OR7C1: variants seen among roughly 807,000 people sequenced by gnomAD.
The protein encoded by OR7C1 is olfactory receptor 7C1.
For missense variants in OR7C1, 324 were observed against 383.3 expected (o/e 0.85, Z 1.29); for synonymous variants, 152 against 160.7 (o/e 0.95, Z 0.41).
Position 14,828,271 on chromosome 19 carries a change from G to A in OR7C1, c.-623+6803C>T, listed in dbSNP as rs115828008. 1,274 of 1,576,186 alleles carry A rather than the reference G, an allele frequency of 8.1e-4. 16 individuals carry two copies. In the African/African-American group the frequency reaches 0.016, roughly 20 times the overall value. ...TTGAAGTGACTATCAGAGAGAGAGAGAGAAAGAGGGAAACGAGACAGGCAT... is the reference window on the plus strand; with the variant it reads ...TTGAAGTGACTATCAGAGAGAGAGAAAGAAAGAGGGAAACGAGACAGGCAT... On this transcript the variant is annotated intron_variant, in intron 1 of 4. Coordinates refer to ENST00000641666, the Ensembl canonical transcript of OR7C1.
At chr19:14,812,431 C>T (rs2044695615) in intron 1 of OR7C1, among the ~76,000 whole-genome samples, 1 of 152,150 alleles carries the variant, frequency 6.6e-6, no homozygotes, top group Non-Finnish European at 1.5e-5. Flanking sequence ...TCCATAGATT[C>T]CAGACATTGT....
At chr19:14,831,130 C>T (rs2044827924) in intron 1 of OR7C1, among the ~76,000 whole-genome samples, 1 of 152,154 alleles carries the variant, frequency 6.6e-6, no homozygotes, top group Non-Finnish European at 1.5e-5. Context: ...TTCTTACTGC[C>T]TACATGATGC....
intron 1 of OR7C1, among the ~76,000 whole-genome samples, chr19:14,821,684 T>C (rs1190033095): frequency 6.6e-6 from 1 of 152,240 alleles, no homozygotes; most frequent in Non-Finnish European, 1.5e-5. Flanking sequence ...ATATATGATG[T>C]GCTTGAATAT....
At chr19:14,805,562 T>A (rs1170925455) in intron 2 of OR7C1, among the ~76,000 whole-genome samples, 1 of 151,554 alleles carries the variant, frequency 6.6e-6, no homozygotes, top group Non-Finnish European at 1.5e-5. Context: ...ATAAAAGGCA[T>A]GTGCCACCAC....
intron 1 of OR7C1, among the ~76,000 whole-genome samples, chr19:14,823,742 T>G (rs921958997): frequency 6.6e-6 from 1 of 152,240 alleles, no homozygotes; most frequent in Non-Finnish European, 1.5e-5. Context: ...GTTATTTCAC[T>G]TAAGATAATG....
At chr19:14,827,867 G>A (rs1479911810) in intron 1 of OR7C1, 1 of 1,614,048 alleles carries the variant, frequency 6.2e-7, no homozygotes, top group Non-Finnish European at 8.5e-7. Context: ...GGTGACAGAT[G>A]GCCACAAACC....
exon 5 of OR7C1, chr19:14,800,015 C>T (rs763386345): frequency 6.2e-7 from 1 of 1,613,928 alleles, no homozygotes; most frequent in East Asian, 2.2e-5. Flanking sequence ...GAGCAGGTTC[C>T]CGGTGAAAGT....
chr19:14,799,748 A>G (rs1397801551), exon 5 of OR7C1: 2 of 1,614,086 alleles, frequency 1.2e-6, no homozygotes, highest in South Asian at 1.1e-5. Context: ...CGTATAGTGC[A>G]GGGGGTGACA....
chr19:14,827,073 T>C (rs2044774572), intron 1 of OR7C1: 1 of 423,970 alleles, frequency 2.4e-6, no homozygotes, highest in Admixed American at 4.0e-5. Context: ...CTTGAGAAAG[T>C]AGGAAAACAA....
chr19:14,805,124 A>T (rs1432293884), intron 2 of OR7C1, among the ~76,000 whole-genome samples: 4 of 151,886 alleles, frequency 2.6e-5, no homozygotes, highest in Non-Finnish European at 5.9e-5. Flanking sequence ...CAATGTTTGA[A>T]TTCACAAGCA....
chr19:14,816,607 T>C (rs2044717466), intron 1 of OR7C1, among the ~76,000 whole-genome samples: 1 of 152,234 alleles, frequency 6.6e-6, no homozygotes, highest in South Asian at 2.1e-4. Flanking sequence ...AAGGCTGCAC[T>C]ATTGGCTTCC....
At chr19:14,798,997 G>T in exon 5 of OR7C1, 1 of 660,698 alleles carries the variant, frequency 1.5e-6, no homozygotes, top group African/African-American at 1.9e-5. Context: ...TTTGTTAACG[G>T]GGAAACCTTG....
At chr19:14,834,857 C>T (rs1250111462) in intron 1 of OR7C1, among the ~76,000 whole-genome samples, 4 of 152,194 alleles carry the variant, frequency 2.6e-5, no homozygotes, top group African/African-American at 4.8e-5. Flanking sequence ...TGTCAATAGT[C>T]GTCACCCTTG....
chr19:14,806,837 A>G (rs1336291697), intron 2 of OR7C1, among the ~76,000 whole-genome samples: 1 of 152,022 alleles, frequency 6.6e-6, no homozygotes, highest in Non-Finnish European at 1.5e-5. Context: ...TAGTGCTGCA[A>G]TAAACATATG....
intron 1 of OR7C1, among the ~76,000 whole-genome samples, chr19:14,820,328 TA>T (rs1020561561): frequency 7.8e-6 from 1 of 127,726 alleles, no homozygotes; most frequent in African/African-American, 3.0e-5. Flanking sequence ...GTTCTTAATT[TA>T]AAAAAATGTG....
intron 1 of OR7C1, among the ~76,000 whole-genome samples, chr19:14,818,469 G>A (rs1315517167): frequency 6.6e-6 from 1 of 152,162 alleles, no homozygotes; most frequent in African/African-American, 2.4e-5. Context: ...TTTAATAAGT[G>A]AAAAGGGGTA....
At position 14,802,407 on chromosome 19, in the gene OR7C1, C is replaced by T. The variant is rs1599911915; in HGVS notation, c.-434-1643G>A. ...TGGTGGCACACGCCTGTAATCCCAG[C>T]TACTTGGGAGGCTGAGGCAGGAGAA... On this transcript the variant is annotated intron_variant, in intron 2 of 4. Transcript: ENST00000641666. Among the ~76,000 whole-genome samples, 5 of 152,184 alleles carry T rather than the reference C, an allele frequency of 3.3e-5. No homozygotes were observed. The South Asian group carries it at 1.0e-3, about 32-fold the overall frequency.
chr19:14,819,141 T>C (rs2044729979), intron 1 of OR7C1, among the ~76,000 whole-genome samples: 1 of 151,562 alleles, frequency 6.6e-6, no homozygotes, highest in East Asian at 1.9e-4. Context: ...TTTTTTGCAA[T>C]CAGATCTATT....
intron 1 of OR7C1, chr19:14,828,339 G>T: frequency 1.5e-6 from 2 of 1,300,978 alleles, no homozygotes; most frequent in Non-Finnish European, 2.1e-6. Flanking sequence ...ATATTTTATA[G>T]CCAATAAATT....
Sources: gnomAD v4.1 joint callset for allele counts (sites outside exome capture counted in the v4.1 genomes callset) on GRCh38, gnomAD v4.1.1 for gene constraint, MANE v1.5 for transcripts, NCBI Gene and HGNC (gene_info 2026-07-23, HGNC 2026-07-21) for gene names.